Variants in RAB3C observed in about 807,000 individuals in gnomAD.
RAB3C encodes RAB3C, member RAS oncogene family.
In RAB3C, 17 loss-of-function variants were observed where a neutral mutation model predicts 26.4. The ratio of observed to expected loss-of-function variants is 0.64; its 90% CI spans 0.44 to 0.97. The LOEUF is 0.97. Among genes scored for constraint, RAB3C ranks in the 50% least tolerant of loss-of-function variants. RAB3C has a pLI of 0.00. For synonymous variants in RAB3C, 91 were observed against 95.9 expected, an observed-to-expected ratio of 0.95 and a Z score of 0.30; for missense variants, 242 against 281.9, an observed-to-expected ratio of 0.86 and a Z score of 1.01.
chr5:58,717,799 A>G (rs1316970084), intron 2 of RAB3C, among the ~76,000 whole-genome samples: 1 of 151,752 alleles, frequency 6.6e-6, no homozygotes, highest in Admixed American at 6.6e-5. Flanking sequence ...CCCTTCCTCA[A>G]CCCTGCTGTC....
chr5:58,838,815 A>G (rs772375251), intron 4 of RAB3C, among the ~76,000 whole-genome samples: 1 of 152,176 alleles, frequency 6.6e-6, no homozygotes, highest in Non-Finnish European at 1.5e-5. Flanking sequence ...ATATTATTGA[A>G]CTATTATATC....
chr5:58,618,125 C>T (rs947517229), intron 2 of RAB3C, among the ~76,000 whole-genome samples: 1 of 152,072 alleles, frequency 6.6e-6, no homozygotes, highest in Non-Finnish European at 1.5e-5. Flanking sequence ...AAAATCCAAA[C>T]CTCTATCTTG....
intron 3 of RAB3C, among the ~76,000 whole-genome samples, chr5:58,792,769 T>G (rs758881194): frequency 2.0e-5 from 3 of 151,124 alleles, no homozygotes; most frequent in Non-Finnish European, 4.4e-5. Flanking sequence ...TTACTGAACT[T>G]TGTGTGTGTG....
chr5:58,780,391 G>T (rs1270932225), intron 3 of RAB3C, among the ~76,000 whole-genome samples: 1 of 151,992 alleles, frequency 6.6e-6, no homozygotes, highest in South Asian at 2.1e-4. Context: ...AGTGGCCCGG[G>T]GCTTAATAGT....
intron 2 of RAB3C, among the ~76,000 whole-genome samples, chr5:58,634,133 T>C (rs1747241462): frequency 1.4e-5 from 2 of 137,992 alleles, no homozygotes; most frequent in South Asian, 5.0e-4. Context: ...AGAGCAAGAC[T>C]CCATCTCAAA....
chr5:58,765,205 T>C (rs555094872), intron 3 of RAB3C, among the ~76,000 whole-genome samples: 5 of 152,278 alleles, frequency 3.3e-5, no homozygotes, highest in Non-Finnish European at 7.3e-5. Context: ...CACCTCCTGC[T>C]CCCAAGGTGA....
At chr5:58,819,854 C>A (rs758324096) in intron 3 of RAB3C, among the ~76,000 whole-genome samples, 11 of 152,080 alleles carry the variant, frequency 7.2e-5, no homozygotes, top group Non-Finnish European at 1.6e-4. Context: ...GGCAACACAG[C>A]AAGACTCCAC....
intron 3 of RAB3C, among the ~76,000 whole-genome samples, chr5:58,802,376 C>G (rs963827716): frequency 2.0e-5 from 3 of 152,128 alleles, no homozygotes; most frequent in South Asian, 4.1e-4. Context: ...TGAGAAAATG[C>G]ATTTATAGTG....
chr5:58,623,986 G>T (rs393390), intron 2 of RAB3C, among the ~76,000 whole-genome samples: 38,211 of 152,026 alleles, frequency 0.25, 5,054 homozygotes, highest in Admixed American at 0.31. Context: ...TATTTGCTAT[G>T]GTAAATTATA....
At chr5:58,706,660 C>A (rs2111888554) in intron 2 of RAB3C, among the ~76,000 whole-genome samples, 1 of 152,256 alleles carries the variant, frequency 6.6e-6, no homozygotes, top group South Asian at 2.1e-4. Flanking sequence ...CCATCTGCAA[C>A]TTGTCTCTTG....
chr5:58,713,288 G>T (rs1749100357), intron 2 of RAB3C, among the ~76,000 whole-genome samples: 1 of 152,150 alleles, frequency 6.6e-6, no homozygotes, highest in South Asian at 2.1e-4. Context: ...ACACAGCAAT[G>T]CAGGAACCAT....
At chr5:58,617,315 G>A (rs1746844361) in intron 1 of RAB3C, among the ~76,000 whole-genome samples, 1 of 152,158 alleles carries the variant, frequency 6.6e-6, no homozygotes, top group Admixed American at 6.6e-5. Flanking sequence ...GAGCCCACAT[G>A]CCCTGGCCAA....
In RAB3C at chr5:58,675,646, A is replaced by C; in HGVS notation, c.253-50356A>C. Among the ~76,000 whole-genome samples, 4 of 124,402 alleles carry C rather than the reference A, an allele frequency of 3.2e-5. 1 individual carries two copies. The highest frequency in any genetic ancestry group is 4.4e-4 in the East Asian group (2 of 4,538). 81.6% of individuals were successfully genotyped at this position (124,402 alleles called of 152,430 possible). ...TTTTTTTTTTTTTTTTTGGCTTTTC[A>C]GCAAATGACTGCTAAAGGAAAGTCT... On this transcript the variant is annotated intron_variant, in intron 2 of 4. Transcript: ENST00000282878.
At chr5:58,669,378 A>G (rs1410716412) in intron 2 of RAB3C, among the ~76,000 whole-genome samples, 2 of 152,158 alleles carry the variant, frequency 1.3e-5, no homozygotes, top group African/African-American at 4.8e-5. Context: ...CCTGCTGCCC[A>G]GGTCACACCA....
intron 2 of RAB3C, among the ~76,000 whole-genome samples, chr5:58,643,740 A>C (rs2111773099): frequency 6.6e-6 from 1 of 152,392 alleles, no homozygotes; most frequent in African/African-American, 2.4e-5. Context: ...CTCACAATGC[A>C]GATTGCAAAA....
chr5:58,611,258 G>A (rs974617655), intron 1 of RAB3C, among the ~76,000 whole-genome samples: 1 of 135,752 alleles, frequency 7.4e-6, no homozygotes, highest in Non-Finnish European at 1.7e-5. Context: ...TGGTGAGATC[G>A]CTGGGTCTAA....
At chr5:58,706,587 T>C (rs1748947936) in intron 2 of RAB3C, among the ~76,000 whole-genome samples, 1 of 152,204 alleles carries the variant, frequency 6.6e-6, no homozygotes, top group Non-Finnish European at 1.5e-5. Context: ...CAGTAACTTA[T>C]CTACTTATTT....
intron 2 of RAB3C, among the ~76,000 whole-genome samples, chr5:58,684,309 T>C (rs575677684): frequency 1.3e-5 from 2 of 152,350 alleles, no homozygotes; most frequent in South Asian, 2.1e-4. Context: ...TCAGTGTCTG[T>C]ACATCATTAA....
chr5:58,756,387 C>CATATATATATATATATAT (rs71604764), intron 3 of RAB3C, among the ~76,000 whole-genome samples: 1 of 132,066 alleles, frequency 7.6e-6, no homozygotes, highest in African/African-American at 2.9e-5. Context: ...TACTATATAA[C>CATATATATATATATATAT]ATATATATAT....
Sources: gnomAD v4.1 joint callset for allele counts (sites outside exome capture counted in the v4.1 genomes callset) on GRCh38, gnomAD v4.1.1 for gene constraint, MANE v1.5 for transcripts, NCBI Gene and HGNC (gene_info 2026-07-23, HGNC 2026-07-21) for gene names.